The following CDH8 variants were observed in gnomAD, a reference collection of about 807,000 sequenced individuals.
CDH8 encodes cadherin-8.
A neutral mutation model predicts 68.1 loss-of-function variants in CDH8; 17 were observed. The observed-to-expected ratio is 0.25, with a 90% CI of 0.17 to 0.37. The LOEUF (loss-of-function observed/expected upper bound fraction) is 0.37, where lower values mean the gene tolerates loss of function less well. Ranked by LOEUF, CDH8 falls within the 10% of genes least tolerant of loss-of-function variation. The probability of loss-of-function intolerance (pLI) is 1.00; values close to 1 mark genes in which losing one functional copy is unlikely to be tolerated. For synonymous variants in CDH8, 372 were observed against 365.1 expected, an observed-to-expected ratio of 1.02 and a Z score of -0.21; for missense variants, 763 against 999.3, an observed-to-expected ratio of 0.76 and a Z score of 3.19.
chr16:61,901,506 A>G, intron 2 of CDH8, 33 bp from the exon 3 acceptor site: 2 of 1,530,700 alleles, frequency 1.3e-6, no homozygotes, highest in South Asian at 1.2e-5. Flanking sequence ...TTAGTGATGG[A>G]GCAATCTGAA....
intron 9 of CDH8, among the ~76,000 whole-genome samples, chr16:61,719,240 T>C (rs1365429370): frequency 6.6e-6 from 1 of 150,946 alleles, no homozygotes; most frequent in Non-Finnish European, 1.5e-5. Flanking sequence ...AGGAAGTAGA[T>C]GAGGTTCTAA....
chr16:61,734,738 G>A (rs1204123573), intron 8 of CDH8, among the ~76,000 whole-genome samples: 1 of 152,066 alleles, frequency 6.6e-6, no homozygotes, highest in Non-Finnish European at 1.5e-5. Context: ...TCCAGTAAAT[G>A]TGAGATTTTC....
chr16:61,960,015 T>TACAC lies in CDH8; in HGVS notation c.253-58546_253-58543dup, dbSNP rs1162149722. 1.2e-4 allele frequency among the ~76,000 whole-genome samples: 9 copies of TACAC among 73,234 alleles called. 3 individuals carry two copies. Among genetic ancestry groups the TACAC allele is most frequent in the African/African-American group, 3.1e-4 (3 of 9,614 alleles). 48.0% of individuals were successfully genotyped at this position (73,234 alleles called of 152,430 possible). A position where few individuals can be genotyped will look rare whatever the true frequency, so the allele number is the denominator to read the frequency against. Reference sequence around the variant, plus strand: ...ATATATATATATATATATATATATATACACACATACACACACACACACAAC... The same window carrying TACAC: ...ATATATATATATATATATATATATATACACACACACATACACACACACACACAAC... On this transcript the variant is annotated intron_variant, in intron 2 of 11. Coordinates refer to ENST00000577390, the MANE Select transcript of CDH8 (RefSeq NM_001796.5).
rs892306929 is a variant in CDH8, at chr16:61,650,183, T to C, written c.*3425A>G. The C allele has an allele frequency of 2.6e-5, 4 of 152,122 alleles. No homozygotes were observed. Among genetic ancestry groups the C allele is most frequent in the Non-Finnish European group, 4.4e-5 (3 of 68,016 alleles). 9.4% of individuals were successfully genotyped at this position (152,122 alleles called of 1,614,324 possible). On this transcript the variant is annotated 3_prime_UTR_variant, in exon 12 of 12. Transcript: ENST00000577390. ...GTTTAGAAACTTATAACTATACTCA[T>C]AAAAATATTGTTAAGAAATGCCCCC... is the stretch of plus-strand genomic sequence containing the variant.
intron 2 of CDH8, among the ~76,000 whole-genome samples, chr16:61,928,614 A>G (rs1024520179): frequency 6.6e-6 from 1 of 152,184 alleles, no homozygotes; most frequent in Non-Finnish European, 1.5e-5. Context: ...TAATGCTCCC[A>G]CTAACCATAA....
intron 2 of CDH8, among the ~76,000 whole-genome samples, chr16:61,960,159 GTGTA>G (rs1222826805): frequency 8.4e-6 from 1 of 119,412 alleles, no homozygotes; most frequent in Admixed American, 8.2e-5. Flanking sequence ...ATATGTGTGT[GTGTA>G]TACACATACA....
chr16:61,664,360 T>G (rs976130525), intron 10 of CDH8, among the ~76,000 whole-genome samples: 9 of 151,816 alleles, frequency 5.9e-5, no homozygotes, highest in Non-Finnish European at 1.2e-4. Flanking sequence ...AGAAATAAAC[T>G]CAGAAACTTC....
In CDH8 at chr16:61,647,988, C is replaced by G; in HGVS notation, c.*5620G>C. On this transcript the variant is annotated 3_prime_UTR_variant, in exon 12 of 12. Transcript: ENST00000577390. ...GTGAATTAGATGGTGGCAGGTAACT[C>G]AAGTTGGGGAAATAGTACCCAAAGG... 1 of 620,008 alleles carries G rather than the reference C, an allele frequency of 1.6e-6. No homozygotes were observed. Among genetic ancestry groups the G allele is most frequent in the Non-Finnish European group, 2.9e-6 (1 of 344,894 alleles). The allele number at this position is 620,008 out of a possible 1,614,324, so 38.4% of individuals were successfully genotyped here.
At chr16:61,776,505 GGACTGA>G (rs1960902713) in intron 8 of CDH8, among the ~76,000 whole-genome samples, 1 of 151,968 alleles carries the variant, frequency 6.6e-6, no homozygotes, top group African/African-American at 2.4e-5. Flanking sequence ...GGGATACTTG[GGACTGA>G]CAGAGGAAAG....
At chr16:61,764,022 A>G (rs1960530573) in intron 8 of CDH8, among the ~76,000 whole-genome samples, 1 of 152,188 alleles carries the variant, frequency 6.6e-6, no homozygotes, top group Admixed American at 6.6e-5. Flanking sequence ...TGAGAAATAC[A>G]TATGAATCGA....
chr16:61,981,650 G>GTGTA (rs1325716881), intron 2 of CDH8, among the ~76,000 whole-genome samples: 1 of 114,294 alleles, frequency 8.7e-6, no homozygotes, highest in Non-Finnish European at 1.8e-5. Flanking sequence ...TGAAAAGAAT[G>GTGTA]TGTGTGTGTG....
chr16:61,814,705 C>T (rs1437649424), intron 7 of CDH8, among the ~76,000 whole-genome samples: 1 of 152,102 alleles, frequency 6.6e-6, no homozygotes, highest in African/African-American at 2.4e-5. Flanking sequence ...CCAATAATTC[C>T]CTGAATATCC....
chr16:61,782,194 G>A (rs944785828), intron 8 of CDH8, among the ~76,000 whole-genome samples: 6 of 152,152 alleles, frequency 3.9e-5, no homozygotes, highest in African/African-American at 1.4e-4. Context: ...CATCTCACTA[G>A]GGAGTGCCAG....
intron 8 of CDH8, among the ~76,000 whole-genome samples, chr16:61,781,553 A>G (rs549036246): frequency 1.3e-5 from 2 of 152,304 alleles, no homozygotes; most frequent in South Asian, 4.1e-4. Context: ...CCCAGGGTGG[A>G]GTGAGCTATG....
intron 2 of CDH8, among the ~76,000 whole-genome samples, chr16:62,019,471 T>C (rs943523557): frequency 2.0e-5 from 3 of 152,148 alleles, no homozygotes; most frequent in South Asian, 4.1e-4. Context: ...CCAAAACCCA[T>C]GGGGCCAGAT....
chr16:61,964,671 C>G (rs773141009), intron 2 of CDH8, among the ~76,000 whole-genome samples: 3 of 151,976 alleles, frequency 2.0e-5, no homozygotes, highest in Non-Finnish European at 2.9e-5. Flanking sequence ...CTCTGGGCCT[C>G]GGTCTGCCCT....
chr16:61,903,953 T>TA (rs1964023254), intron 2 of CDH8, among the ~76,000 whole-genome samples: 2 of 129,610 alleles, frequency 1.5e-5, no homozygotes, highest in East Asian at 2.0e-4. Context: ...ACAGCACTTT[T>TA]TAAAAAAAAA....
Position 61,647,728 on chromosome 16 carries a change from C to T in CDH8, c.*5880G>A, listed in dbSNP as rs1432285309. ...TCATAGGATGGCCTGAAGTTCTTTG[C>T]ATGTACAGAAGAAATCCCAAGAAAT... On this transcript the variant is annotated 3_prime_UTR_variant, in exon 12 of 12. Coordinates refer to ENST00000577390, the MANE Select transcript of CDH8 (RefSeq NM_001796.5). 2 of 687,274 alleles carry T rather than the reference C, an allele frequency of 2.9e-6. No homozygotes were observed. Among genetic ancestry groups the T allele is most frequent in the South Asian group, 1.5e-5 (1 of 65,484 alleles). 42.6% of individuals were successfully genotyped at this position (687,274 alleles called of 1,614,324 possible).
chr16:61,671,955 T>C (rs2142780315), intron 10 of CDH8, among the ~76,000 whole-genome samples: 1 of 152,272 alleles, frequency 6.6e-6, no homozygotes, highest in South Asian at 2.1e-4. Context: ...CTCTTTTTAC[T>C]GAAAATGTAA....
Sources: gnomAD v4.1 joint callset for allele counts (sites outside exome capture counted in the v4.1 genomes callset) on GRCh38, gnomAD v4.1.1 for gene constraint, MANE v1.5 for transcripts, NCBI Gene and HGNC (gene_info 2026-07-23, HGNC 2026-07-21) for gene names.